ATG9B: variants seen among roughly 807,000 people sequenced by gnomAD.
The protein encoded by ATG9B is autophagy-related protein 9B.
A neutral mutation model predicts 92.9 loss-of-function variants in ATG9B; 92 were observed. That is an observed-to-expected ratio of 0.99 (90% CI 0.84 to 1.18). The LOEUF (loss-of-function observed/expected upper bound fraction) is 1.18, where lower values mean the gene tolerates loss of function less well. ATG9B is among the 50% of genes most tolerant of loss of function. The pLI is 0.00. For missense variants in ATG9B, 1,344 were observed against 1,235.0 expected (o/e 1.09, Z -1.32); for synonymous variants, 599 against 551.4 (o/e 1.09, Z -1.21).
At chr7:151,013,338 C>A (rs372656070), downstream of ATG9B, 16 of 1,613,864 alleles carry the variant, frequency 9.9e-6, no homozygotes, top group African/African-American at 5.3e-5. Flanking sequence ...GGTGTTTGGC[C>A]GAGTCCTCAC....
downstream of ATG9B, chr7:151,014,350 G>A: frequency 1.5e-6 from 1 of 682,726 alleles, no homozygotes; most frequent in East Asian, 2.9e-5. Context: ...CCCTCTCTAG[G>A]CCTGTTGCCT....
At position 151,024,445 on chromosome 7, in the gene ATG9B, A is replaced by G; in HGVS notation, c.-22T>C. The G allele has an allele frequency of 1.5e-6, 2 of 1,322,950 alleles. No individual in the cohort carries two copies. The highest frequency in any genetic ancestry group is 2.7e-5 in the South Asian group (1 of 36,864). 82.0% of individuals were successfully genotyped at this position (1,322,950 alleles called of 1,614,324 possible). ...CCATCAGGCCACGGCTTCTCCAGAA[A>G]GGTTGGAAGGATGGGAGCTGTTGTT... On this transcript the variant is annotated 5_prime_UTR_variant, in exon 1 of 14. Transcript: ENST00000639579.
chr7:151,016,580 C>A, intron 10 of ATG9B, 53 bp from the exon 11 acceptor site: 1 of 1,545,602 alleles, frequency 6.5e-7, no homozygotes, highest in Non-Finnish European at 8.7e-7. Flanking sequence ...CCGCCACACC[C>A]CAGAGGACTC....
Position 151,018,761 on chromosome 7 carries a change from A to G in ATG9B, c.1577T>C (p.Leu526Pro), listed in dbSNP as rs1189107973. Residue 526 changes from leucine (L) to proline (P), a missense_variant, in exon 6 of 14, where the codon CTG (leucine) becomes CCG (proline). Physicochemically the swap from Leu to Pro is moderately conservative, Grantham distance 98. Coordinates refer to ENST00000639579, the MANE Select transcript of ATG9B (RefSeq NM_001317056.2). This position sits in a 1 kb window ranked among gnomAD's most constrained non-coding sequence, Gnocchi z 4.7. ...TAAPPAPLRTLLARQLVFFAG... is the reference protein window; with the variant it reads ...TAAPPAPLRTPLARQLVFFAG... ...GAAGAAAACGAGCTGGCGGGCCAGC[A>G]GCGTGCGCAGGGGCGCGGGGGGCGC... is the stretch of plus-strand genomic sequence containing the variant. 2 of 1,524,882 alleles carry G rather than the reference A, an allele frequency of 1.3e-6. No homozygotes were observed. Among genetic ancestry groups the G allele is most frequent in the Non-Finnish European group, 1.8e-6 (2 of 1,141,550 alleles). The allele number at this position is 1,524,882 out of a possible 1,614,324, so 94.5% of individuals were successfully genotyped here.
In ATG9B at chr7:151,016,382, T is replaced by G. The variant is rs1265095668; in HGVS notation, c.2520+49A>C. ...CCACCCCACCTCAGTCTCCATGTTG[T>G]TCACCTGCCTTCTCTCCACATTTCT... On this transcript the variant is annotated intron_variant, in intron 11 of 13. Coordinates refer to ENST00000639579, the MANE Select transcript of ATG9B (RefSeq NM_001317056.2). 2.6e-6 allele frequency: 4 copies of G among 1,538,402 alleles called. No individual in the cohort carries two copies. The East Asian group carries it at 7.4e-5, about 28-fold the overall frequency.
In ATG9B at chr7:151,018,822, C is replaced by T; in HGVS notation, c.1516G>A (p.Ala506Thr). 3 of 1,290,026 alleles carry T rather than the reference C, an allele frequency of 2.3e-6. No homozygotes were observed. Among genetic ancestry groups the T allele is most frequent in the Non-Finnish European group, 2.0e-6 (2 of 1,022,272 alleles). 79.9% of individuals were successfully genotyped at this position (1,290,026 alleles called of 1,614,324 possible). Reference sequence around the variant, plus strand: ...AGGAAGGCGGCGGCGGGGCGGTAGGCGCGGGCCAGGCGCGCGCGCAGCTCG... The same window carrying T: ...AGGAAGGCGGCGGCGGGGCGGTAGGTGCGGGCCAGGCGCGCGCGCAGCTCG... ...PHELRARLAR[A>T]YRPAAAFLRT... Residue 506 changes from alanine (A) to threonine (T), a missense_variant, in exon 6 of 14, where the codon GCC becomes ACC. Physicochemically the swap from Ala to Thr is moderately conservative, Grantham distance 58. Coordinates refer to ENST00000639579, the MANE Select transcript of ATG9B (RefSeq NM_001317056.2). The surrounding 1 kb of genome is among the most constrained non-coding windows in gnomAD (Gnocchi z 4.7).
intron 1 of ATG9B, 23 bp downstream of exon 1, chr7:151,023,851 C>G (rs1161340764): frequency 6.2e-7 from 1 of 1,609,794 alleles, no homozygotes; most frequent in South Asian, 1.1e-5. Flanking sequence ...CTAACCCTCT[C>G]CCACCCACAC....
Position 151,016,818 on chromosome 7 carries a change from C to G in ATG9B, c.2293G>C (p.Glu765Gln). 6.2e-7 allele frequency: 1 copy of G among 1,605,810 alleles called. No homozygotes were observed. Among genetic ancestry groups the G allele is most frequent in the East Asian group, 2.2e-5 (1 of 44,834 alleles). ...VLSNCTSPLP[E>Q]AFLANLFVHP... ...ACGAAGAGGTTGGCCAGGAAGGCCT[C>G]AGGCTGGGTGCAAGAGGAGAGGGAA... is the stretch of plus-strand genomic sequence containing the variant. The change falls in exon 10 of 14, where the codon GAG (glutamate) becomes CAG (glutamine). Residue 765 changes from glutamate (E) to glutamine (Q), a missense_variant. Transcript: ENST00000639579.
downstream of ATG9B, chr7:151,012,246 T>TTTTTTTG: frequency 2.0e-6 from 2 of 983,654 alleles, no homozygotes; most frequent in Non-Finnish European, 1.4e-6. Flanking sequence ...AATTTTTTTT[T>TTTTTTTG]GAGATGGGAA....
rs994923365 is a variant in ATG9B, at chr7:151,023,279, C to T, written c.660-73G>A. The T allele has an allele frequency of 1.6e-5, 26 of 1,606,642 alleles. No individual in the cohort carries two copies. In the Admixed American group the frequency reaches 4.2e-4, roughly 26 times the overall value. On this transcript the variant is annotated intron_variant, in intron 3 of 13. Coordinates refer to ENST00000639579, the MANE Select transcript of ATG9B (RefSeq NM_001317056.2). ...AGCCAGGTGGGCTCCTGCCCCAGCCCCCAGAGCAGCCCATGGTTATCCTCC... is the reference window on the plus strand; with the variant it reads ...AGCCAGGTGGGCTCCTGCCCCAGCCTCCAGAGCAGCCCATGGTTATCCTCC...
At position 151,016,733 on chromosome 7, in the gene ATG9B, G is replaced by GT. The variant is rs779137848; in HGVS notation, c.2377dup (p.Thr793AsnfsTer61). On this transcript the variant is annotated frameshift_variant, in exon 10 of 14. Transcript: ENST00000639579. LOFTEE classifies it high-confidence loss of function. The stretch of plus-strand genomic sequence containing the variant: ...GGAAATGGAGGCAAGGAGGCTGGCT[G>GT]TGGCCGCAGCTGGACAGGGGGCTGT... The GT allele has an allele frequency of 2.0e-5, 32 of 1,611,890 alleles. No homozygotes were observed. The South Asian group carries it at 3.3e-4, about 17-fold the overall frequency.
chr7:151,015,806 C>A (rs1345716781), intron 13 of ATG9B, 76 bp downstream of exon 13: 21 of 1,480,352 alleles, frequency 1.4e-5, no homozygotes, highest in Non-Finnish European at 1.9e-5. Context: ...CCACTGCTCC[C>A]ATCGCTTCAA....
chr7:151,014,331 G>C, downstream of ATG9B: 1 of 801,816 alleles, frequency 1.2e-6, no homozygotes, highest in Non-Finnish European at 1.9e-6. Flanking sequence ...GGAGCAAAAC[G>C]CCTCTTTTCC....
chr7:151,013,635 A>C (rs1795360841), downstream of ATG9B: 7 of 1,274,038 alleles, frequency 5.5e-6, no homozygotes, highest in East Asian at 1.6e-4. Context: ...CGCTCCGGAG[A>C]CTTTCACGTC....
intron 4 of ATG9B, among the ~76,000 whole-genome samples, chr7:151,022,836 T>A (rs1209038876): frequency 6.7e-6 from 1 of 148,352 alleles, no homozygotes; most frequent in Non-Finnish European, 1.5e-5. Context: ...AACTCTGTCT[T>A]AAAAAAAAAA....
At chr7:151,023,232 G>A in intron 3 of ATG9B, 26 bp from the exon 4 acceptor site, 2 of 1,613,936 alleles carry the variant, frequency 1.2e-6, no homozygotes, top group Non-Finnish European at 1.7e-6. Context: ...GGGGGTGCCG[G>A]GATGCTGCAG....
intron 5 of ATG9B, among the ~76,000 whole-genome samples, chr7:151,019,581 T>C (rs1394068259): frequency 6.6e-6 from 1 of 152,218 alleles, no homozygotes; most frequent in African/African-American, 2.4e-5. Flanking sequence ...CGCGCCCTAC[T>C]TCCTTCATCC....
chr7:151,017,858 G>A lies in ATG9B; in HGVS notation c.2052+13C>T, dbSNP rs747754961. On this transcript the variant is annotated intron_variant, in intron 8 of 13. Transcript: ENST00000639579. ...CCCAGCCCAAACCCCCAGGGCCAGGGAACGGCTCTGACCTGAGGGTGTCCG... is the reference window on the plus strand; with the variant it reads ...CCCAGCCCAAACCCCCAGGGCCAGGAAACGGCTCTGACCTGAGGGTGTCCG... 11 of 1,589,946 alleles carry A rather than the reference G, an allele frequency of 6.9e-6. No individual in the cohort carries two copies. The highest frequency in any genetic ancestry group is 2.3e-5 in the South Asian group (2 of 87,942).
intron 3 of ATG9B, 71 bp from the exon 4 acceptor site, chr7:151,023,277 C>T: frequency 1.2e-6 from 2 of 1,607,334 alleles, no homozygotes; most frequent in Non-Finnish European, 1.7e-6. Flanking sequence ...CCTGCCCCAG[C>T]CCCCAGAGCA....
Sources: allele counts gnomAD v4.1 joint callset (sites outside exome capture counted in the v4.1 genomes callset), GRCh38; gene constraint gnomAD v4.1.1; non-coding constraint Gnocchi (gnomAD v3.1); transcripts MANE v1.5; gene names NCBI Gene and HGNC (gene_info 2026-07-23, HGNC 2026-07-21).